The following LARGE1 variants were observed in gnomAD, a reference collection of about 807,000 sequenced individuals.
The protein encoded by LARGE1 is LARGE xylosyl- and glucuronyltransferase 1, also known as xylosyl- and glucuronyltransferase LARGE1.
LARGE1 carries 43 observed loss-of-function variants against 87.6 expected under a neutral mutation model. That is an observed-to-expected ratio of 0.49 (90% CI 0.38 to 0.63). The LOEUF (loss-of-function observed/expected upper bound fraction) is 0.63. Among genes scored for constraint, LARGE1 ranks in the 30% least tolerant of loss-of-function variants. The probability of loss-of-function intolerance (pLI) is 0.00; values close to 1 mark genes in which losing one functional copy is unlikely to be tolerated. For missense variants in LARGE1, 802 were observed against 1,000.2 expected (o/e 0.80, Z 2.67); for synonymous variants, 434 against 394.6 (o/e 1.10, Z -1.18).
chr22:33,476,965 C>G (rs1045850635), intron 6 of LARGE1, among the ~76,000 whole-genome samples: 1 of 152,136 alleles, frequency 6.6e-6, no homozygotes, highest in Non-Finnish European at 1.5e-5. Flanking sequence ...TTGCTGGAAT[C>G]GAAGGACAGT....
chr22:33,556,534 GGGAA>G (rs1259186604), intron 6 of LARGE1, among the ~76,000 whole-genome samples: 1,517 of 71,914 alleles, frequency 0.021, 56 homozygotes, highest in African/African-American at 0.046. Context: ...GAGGGAGGGA[GGGAA>G]GGAGGGAGGG....
intron 7 of LARGE1, among the ~76,000 whole-genome samples, chr22:33,417,692 C>A (rs367944651): frequency 6.6e-6 from 1 of 152,144 alleles, no homozygotes; most frequent in African/African-American, 2.4e-5. Flanking sequence ...GGGCTCTTGC[C>A]CGGGGCTCTC....
At chr22:33,771,331 C>A (rs147323506) in intron 1 of LARGE1, among the ~76,000 whole-genome samples, 1 of 152,242 alleles carries the variant, frequency 6.6e-6, no homozygotes, top group Non-Finnish European at 1.5e-5. Context: ...ATGCAACCCT[C>A]CTTGCTCTTC....
intron 11 of LARGE1, among the ~76,000 whole-genome samples, chr22:33,239,297 T>C (rs1159737286): frequency 6.6e-6 from 1 of 152,060 alleles, no homozygotes; most frequent in African/African-American, 2.4e-5. Flanking sequence ...TCCAAAGCAA[T>C]TAGTGTAATT....
At chr22:33,364,702 C>A (rs368805593) in intron 9 of LARGE1, among the ~76,000 whole-genome samples, 41 of 152,166 alleles carry the variant, frequency 2.7e-4, no homozygotes, top group African/African-American at 9.6e-4. Context: ...AAAGTTCATC[C>A]AAGTTATAGC....
chr22:33,645,216 A>C (rs1397185144), intron 3 of LARGE1, among the ~76,000 whole-genome samples: 1 of 109,090 alleles, frequency 9.2e-6, no homozygotes, highest in Non-Finnish European at 2.4e-5. Context: ...ACAGTAACCA[A>C]AACAGCATGG....
intron 6 of LARGE1, among the ~76,000 whole-genome samples, chr22:33,558,839 G>C (rs1391938876): frequency 6.6e-6 from 1 of 152,216 alleles, no homozygotes; most frequent in Non-Finnish European, 1.5e-5. Flanking sequence ...CAATGGCTCT[G>C]TGGACAGAAC....
At chr22:33,308,375 G>C (rs1935181860) in intron 11 of LARGE1, among the ~76,000 whole-genome samples, 2 of 152,162 alleles carry the variant, frequency 1.3e-5, no homozygotes, top group African/African-American at 4.8e-5. Flanking sequence ...TAGGTTTTGG[G>C]GTCAGACAGG....
chr22:33,755,972 G>T (rs1204732451), intron 2 of LARGE1, among the ~76,000 whole-genome samples: 1 of 152,158 alleles, frequency 6.6e-6, no homozygotes, highest in East Asian at 1.9e-4. Flanking sequence ...TTGAATATGG[G>T]CATTGAAGGT....
rs112355451 is a variant in LARGE1, at chr22:33,221,169, AAGAG to A, written c.1731-54341_1731-54338del. 1.9e-4 allele frequency among the ~76,000 whole-genome samples: 29 copies of A among 148,984 alleles called. No individual in the cohort carries two copies. In the South Asian group the frequency reaches 4.6e-3, roughly 24 times the overall value. ...AGCTTAATACCTTGCCGTTGTTAAAAAGAGAGAGAGAGAGAGAGGGAATAACACA... is the reference window on the plus strand; with the variant it reads ...AGCTTAATACCTTGCCGTTGTTAAAAAGAGAGAGAGAGAGGGAATAACACA... On this transcript the variant is annotated intron_variant, in intron 11 of 11. Coordinates refer to the LARGE1 transcript ENST00000608642.
chr22:33,756,848 T>C (rs1397841385), intron 2 of LARGE1, among the ~76,000 whole-genome samples: 1 of 151,654 alleles, frequency 6.6e-6, no homozygotes, highest in Non-Finnish European at 1.5e-5. Context: ...TGGTGAAAGA[T>C]GGGAAACAAC....
the LARGE1 span, among the ~76,000 whole-genome samples, chr22:33,130,468 T>C: frequency 4.6e-5 from 7 of 151,146 alleles, no homozygotes; most frequent in African/African-American, 1.7e-4. Context: ...CCAGCCTGGG[T>C]GACAGAGCAA....
At chr22:33,331,479 C>A (rs939682882) in intron 10 of LARGE1, among the ~76,000 whole-genome samples, 3 of 149,210 alleles carry the variant, frequency 2.0e-5, no homozygotes, top group African/African-American at 5.0e-5. Flanking sequence ...ATGATTTCGG[C>A]TCACTGCATC....
intron 13 of LARGE1, among the ~76,000 whole-genome samples, chr22:33,280,315 C>CAAAAAAAAA (rs58680121): frequency 1.5e-5 from 1 of 67,434 alleles, no homozygotes; most frequent in African/African-American, 4.4e-5. Context: ...GGTAACTCCT[C>CAAAAAAAAA]AAAAAAAAAA....
At chr22:33,758,969 C>T (rs948017959) in intron 2 of LARGE1, among the ~76,000 whole-genome samples, 4 of 152,178 alleles carry the variant, frequency 2.6e-5, no homozygotes, top group Admixed American at 1.3e-4. Context: ...GGAGTTACCA[C>T]AGGCAATTCA....
chr22:33,751,112 T>C (rs1419198518), intron 2 of LARGE1, among the ~76,000 whole-genome samples: 4 of 152,050 alleles, frequency 2.6e-5, no homozygotes, highest in South Asian at 2.1e-4. Context: ...TTCAGAAAAA[T>C]GAACAAGTCC....
chr22:33,785,213 G>A (rs11089632), intron 1 of LARGE1, among the ~76,000 whole-genome samples: 46,621 of 116,342 alleles, frequency 0.4, 13,576 homozygotes, highest in African/African-American at 0.61. Context: ...ATACATATGT[G>A]TATATACATA....
chr22:33,623,384 C>T (rs1228853848), intron 4 of LARGE1, among the ~76,000 whole-genome samples: 1 of 152,148 alleles, frequency 6.6e-6, no homozygotes, highest in African/African-American at 2.4e-5. Flanking sequence ...TTTGGCCATT[C>T]TTTCTTTGGT....
intron 6 of LARGE1, among the ~76,000 whole-genome samples, chr22:33,437,409 CTCTCTG>C (rs1405672998): frequency 6.6e-6 from 1 of 152,168 alleles, no homozygotes; most frequent in Admixed American, 6.5e-5. Flanking sequence ...GGTACTTAGC[CTCTCTG>C]TGCTTGCTTC....
Sources: gnomAD v4.1 joint callset for allele counts (sites outside exome capture counted in the v4.1 genomes callset) on GRCh38, gnomAD v4.1.1 for gene constraint, MANE v1.5 for transcripts, NCBI Gene and HGNC (gene_info 2026-07-23, HGNC 2026-07-21) for gene names.